Variants in PARP6 observed in about 807,000 individuals in gnomAD.
PARP6 encodes the protein protein mono-ADP-ribosyltransferase PARP6.
PARP6 carries 27 observed loss-of-function variants against 92.0 expected under a neutral mutation model. That is an observed-to-expected ratio of 0.29 (90% CI 0.22 to 0.40). The LOEUF is 0.40. PARP6 is among the 10% of genes least tolerant of loss of function. PARP6 has a pLI of 1.00. For synonymous variants in PARP6, 272 were observed against 281.2 expected, an observed-to-expected ratio of 0.97 and a Z score of 0.33; for missense variants, 501 against 784.5, an observed-to-expected ratio of 0.64 and a Z score of 4.32.
At chr15:72,249,215 G>GAC in intron 20 of PARP6, 30 bp downstream of exon 20, 1 of 1,339,346 alleles carries the variant, frequency 7.5e-7, no homozygotes, top group Non-Finnish European at 1.1e-6. Context: ...AATGTAAATA[G>GAC]AGTCAAGGTG....
intron 16 of PARP6, 56 bp from the exon 17 acceptor site, chr15:72,251,311 C>G: frequency 9.0e-7 from 1 of 1,109,218 alleles, no homozygotes; most frequent in Non-Finnish European, 1.3e-6. Context: ...TTTAAGCTAT[C>G]CTTTCTGAAC....
chr15:72,257,117 T>C (rs1009714354), intron 13 of PARP6, among the ~76,000 whole-genome samples: 1 of 152,232 alleles, frequency 6.6e-6, no homozygotes, highest in Non-Finnish European at 1.5e-5. Flanking sequence ...TGTTAAAATT[T>C]TGTCTATAAA....
At chr15:72,267,103 G>A in intron 3 of PARP6, 1 of 510,614 alleles carries the variant, frequency 2.0e-6, no homozygotes, top group Non-Finnish European at 3.5e-6. Flanking sequence ...GGCTCTGGTA[G>A]CCAGTAGGAA....
chr15:72,255,006 T>C (rs1225381453), intron 14 of PARP6, among the ~76,000 whole-genome samples: 3 of 152,124 alleles, frequency 2.0e-5, no homozygotes, highest in Non-Finnish European at 2.9e-5. Flanking sequence ...GTAAAGCAAA[T>C]TGTCCTCCCT....
chr15:72,257,603 CT>C (rs1430285056), intron 12 of PARP6, among the ~76,000 whole-genome samples, 163 bp from the exon 13 acceptor site: 1 of 152,214 alleles, frequency 6.6e-6, no homozygotes, highest in African/African-American at 2.4e-5. Context: ...AAATGCCTTA[CT>C]GATAAGTTTG....
chr15:72,266,788 G>A lies in PARP6; in HGVS notation c.38C>T (p.Ser13Leu), dbSNP rs773752714. ...TTCCTCTGATTCATTATCTCCCTCC[G>A]AGTCGTCATCATTCCAGAACTGGCC... ...IKGQFWNDDDSEGDNESEEFL... is the reference protein window; with the variant it reads ...IKGQFWNDDDLEGDNESEEFL... Residue 13 changes from serine (S) to leucine (L), a missense_variant, in exon 4 of 24, where the codon TCG (serine) becomes TTG (leucine). Around this residue, in one of 4 missense-constraint regions of PARP6, gnomAD observed 291 missense variants for 352.0 expected, o/e 0.83. Transcript: ENST00000569795. The A allele has an allele frequency of 3.7e-6, 6 of 1,613,866 alleles. No homozygotes were observed. Among genetic ancestry groups the A allele is most frequent in the African/African-American group, 2.7e-5 (2 of 74,882 alleles).
chr15:72,246,012 C>T (rs1345721542), intron 20 of PARP6, among the ~76,000 whole-genome samples: 1 of 152,166 alleles, frequency 6.6e-6, no homozygotes, highest in Non-Finnish European at 1.5e-5. Context: ...CCAGACAAAT[C>T]AAAAAGACTA....
At chr15:72,264,775 G>A (rs1036394548) in intron 7 of PARP6, among the ~76,000 whole-genome samples, 154 bp from the exon 8 acceptor site, 1 of 152,132 alleles carries the variant, frequency 6.6e-6, no homozygotes, top group Admixed American at 6.6e-5. Flanking sequence ...TGAGGGAGAG[G>A]GCAGATTCTC....
intron 15 of PARP6, chr15:72,253,865 C>T (rs2084698786): frequency 1.1e-5 from 5 of 460,308 alleles, no homozygotes; most frequent in Non-Finnish European, 2.1e-5. Context: ...AAAGCGTCCT[C>T]CTGACAAGTA....
intron 2 of PARP6, among the ~76,000 whole-genome samples, chr15:72,269,416 C>T (rs1310496671): frequency 6.6e-6 from 1 of 152,094 alleles, no homozygotes; most frequent in Admixed American, 6.5e-5. Flanking sequence ...CCGCCTCGGC[C>T]TCCCAAAGTG....
intron 17 of PARP6, 94 bp downstream of exon 17, chr15:72,251,113 G>C: frequency 3.0e-6 from 3 of 991,526 alleles, no homozygotes; most frequent in Non-Finnish European, 4.9e-6. Context: ...GAGCAATGTA[G>C]GCAGATCTAG....
intron 7 of PARP6, 92 bp downstream of exon 7, chr15:72,264,989 C>G (rs972015326): frequency 1.2e-6 from 1 of 825,968 alleles, no homozygotes; most frequent in South Asian, 1.5e-5. Context: ...GCCCAAGGAC[C>G]TTGTTCCTAA....
At chr15:72,249,338 G>C in intron 19 of PARP6, 24 bp from the exon 20 acceptor site, 2 of 1,463,972 alleles carry the variant, frequency 1.4e-6, no homozygotes, top group Non-Finnish European at 1.9e-6. Context: ...ACCAGGATGA[G>C]TAATATGAGC....
At chr15:72,248,070 C>CTTA (rs1459723340) in intron 20 of PARP6, among the ~76,000 whole-genome samples, 1 of 152,120 alleles carries the variant, frequency 6.6e-6, no homozygotes, top group Non-Finnish European at 1.5e-5. Context: ...CGTGCCCCGC[C>CTTA]TTATTACCTT....
intron 16 of PARP6, among the ~76,000 whole-genome samples, chr15:72,252,385 C>G (rs1489156242): frequency 1.3e-5 from 2 of 152,100 alleles, no homozygotes; most frequent in African/African-American, 4.8e-5. Context: ...GTGTTCTCGC[C>G]ACAAAAAATA....
chr15:72,258,224 T>A, intron 11 of PARP6, 92 bp from the exon 12 acceptor site: 1 of 897,124 alleles, frequency 1.1e-6, no homozygotes, highest in Non-Finnish European at 1.9e-6. Flanking sequence ...CTACCCTCCA[T>A]CCTCCCAGCC....
chr15:72,266,970 C>A, intron 3 of PARP6, 148 bp from the exon 4 acceptor site: 1 of 645,132 alleles, frequency 1.6e-6, no homozygotes, highest in South Asian at 1.8e-5. Flanking sequence ...CCTTTCATGT[C>A]ACCCTTTGTG....
At position 72,271,072 on chromosome 15, in the gene PARP6, G is replaced by A. The variant is rs530940212; in HGVS notation, c.-244C>T. On this transcript the variant is annotated 5_prime_UTR_variant, in exon 2 of 24. In the 5' UTR this introduces an upstream ATG that the reference lacks. Transcript: ENST00000569795. ...ATGTGAAGATCTTGGGGTGAGGTTC[G>A]TGAGATTTGAAAATAAACAGTCAAG... The A allele has an allele frequency of 1.2e-4, 18 of 146,536 alleles. No individual in the cohort carries two copies. The highest frequency in any genetic ancestry group is 3.5e-4 in the African/African-American group (14 of 39,620). 9.1% of individuals were successfully genotyped at this position (146,536 alleles called of 1,614,324 possible).
intron 13 of PARP6, among the ~76,000 whole-genome samples, chr15:72,257,090 G>A (rs1419809151): frequency 6.6e-6 from 1 of 152,024 alleles, no homozygotes; most frequent in Non-Finnish European, 1.5e-5. Context: ...TGTTGTATTT[G>A]CTTTTTTATA....
Sources: gnomAD v4.1 joint callset for allele counts (sites outside exome capture counted in the v4.1 genomes callset) on GRCh38, gnomAD v4.1.1 for gene constraint, gnomAD v4.1.1 regional missense constraint, MANE v1.5 for transcripts, NCBI Gene and HGNC (gene_info 2026-07-23, HGNC 2026-07-21) for gene names.